DNAH8: variants seen among roughly 807,000 people sequenced by gnomAD.
The protein encoded by DNAH8 is axonemal beta dynein heavy chain 8.
In DNAH8, 382 loss-of-function variants were observed where a neutral mutation model predicts 562.1. That is an observed-to-expected ratio of 0.68 (90% CI 0.63 to 0.74). The LOEUF (loss-of-function observed/expected upper bound fraction) is 0.74, where lower values mean the gene tolerates loss of function less well. Ranked by LOEUF, DNAH8 falls within the 30% of genes least tolerant of loss-of-function variation. The pLI is 0.00. For missense variants in DNAH8, 5,203 were observed against 5,620.4 expected (o/e 0.93, Z 2.37); for synonymous variants, 1,881 against 1,919.4 (o/e 0.98, Z 0.52).
chr6:38,825,680 G>A (rs2150341912), intron 28 of DNAH8, among the ~76,000 whole-genome samples: 1 of 152,240 alleles, frequency 6.6e-6, no homozygotes, highest in Non-Finnish European at 1.5e-5. Context: ...AACTGGCTAG[G>A]TCCAGGGTCC....
intron 41 of DNAH8, among the ~76,000 whole-genome samples, chr6:38,853,975 A>C (rs1563001229): frequency 6.6e-6 from 1 of 151,520 alleles, no homozygotes; most frequent in African/African-American, 2.4e-5. Context: ...AGTAAAAAAA[A>C]TTTTTAAGTT....
In DNAH8 at chr6:38,929,601, G is replaced by A. The variant is rs756370205; in HGVS notation, c.11209G>A (p.Glu3737Lys). The change falls in exon 75 of 93, where the codon GAG (glutamate) becomes AAG (lysine). Residue 3737 changes from glutamate to lysine, a missense_variant. Physicochemically the swap from Glu to Lys is moderately conservative, Grantham distance 56. Around this residue, in one of 6 missense-constraint regions of DNAH8, gnomAD observed 1,399 missense variants for 1,518.4 expected, o/e 0.92. Coordinates refer to ENST00000327475, the MANE Select transcript of DNAH8 (RefSeq NM_001206927.2). ...CCTTCTCATTGAGGACATTCATGAA[G>A]AGCTGGATCCAGCCTTGGATAATGT... ...RPLLIEDIHE[E>K]LDPALDNVLE... 1.2e-5 allele frequency: 19 copies of A among 1,609,146 alleles called. No homozygotes were observed. Among genetic ancestry groups the A allele is most frequent in the Non-Finnish European group, 1.6e-5 (19 of 1,178,930 alleles).
intron 12 of DNAH8, 74 bp downstream of exon 12, chr6:38,770,633 A>G: frequency 7.6e-7 from 1 of 1,315,374 alleles, no homozygotes; most frequent in African/African-American, 1.5e-5. Context: ...ATGTAGTGCC[A>G]TTGAGAATTA....
chr6:38,933,078 T>C (rs114704110), intron 76 of DNAH8, among the ~76,000 whole-genome samples: 1,562 of 152,338 alleles, frequency 0.01, 25 homozygotes, highest in South Asian at 0.041. Flanking sequence ...CAATTCACTG[T>C]TTCCATCGCC....
At chr6:38,998,482 T>C (rs1198657290) in intron 88 of DNAH8, among the ~76,000 whole-genome samples, 1 of 152,240 alleles carries the variant, frequency 6.6e-6, no homozygotes, top group Non-Finnish European at 1.5e-5. Flanking sequence ...AAATGCCTTA[T>C]TACAACCTTT....
chr6:39,008,848 A>G lies in DNAH8; in HGVS notation c.13249A>G (p.Thr4417Ala), dbSNP rs764444093. The G allele has an allele frequency of 1.2e-6, 2 of 1,608,408 alleles. No homozygotes were observed. The highest frequency in any genetic ancestry group is 2.7e-5 in the African/African-American group (2 of 74,846). Residue 4417 changes from threonine to alanine, a missense_variant, in exon 89 of 93, where the codon ACA (threonine) becomes GCA (alanine). Coordinates refer to ENST00000327475, the MANE Select transcript of DNAH8 (RefSeq NM_001206927.2). ...QSNTASAVLE[T>A]ITNIQPKESG... ...TAACACTGCTTCTGCTGTTCTTGAA[A>G]CAATTACCAACATTCAACCCAAAGA...
chr6:38,992,500 G>A (rs1374536809), intron 88 of DNAH8, among the ~76,000 whole-genome samples: 1 of 152,184 alleles, frequency 6.6e-6, no homozygotes, highest in African/African-American at 2.4e-5. Flanking sequence ...ACAAGTTCAC[G>A]TGAGTGGACA....
At chr6:38,788,995 T>C (rs1769446138) in intron 18 of DNAH8, among the ~76,000 whole-genome samples, 1 of 152,224 alleles carries the variant, frequency 6.6e-6, no homozygotes, top group Non-Finnish European at 1.5e-5. Flanking sequence ...TCAAAAGCCA[T>C]GCATGAGCTT....
chr6:38,941,442 A>C (rs1035875315), intron 79 of DNAH8, among the ~76,000 whole-genome samples: 1 of 152,196 alleles, frequency 6.6e-6, no homozygotes, highest in Admixed American at 6.5e-5. Context: ...TGCCTTTTTC[A>C]TGAACACAGG....
chr6:38,799,638 A>G (rs1770599170), intron 21 of DNAH8, among the ~76,000 whole-genome samples: 1 of 152,148 alleles, frequency 6.6e-6, no homozygotes, highest in Non-Finnish European at 1.5e-5. Flanking sequence ...CAATTCACCC[A>G]TTTAAAGTGT....
chr6:38,991,745 AC>A (rs1764804117), intron 88 of DNAH8, among the ~76,000 whole-genome samples: 2 of 151,972 alleles, frequency 1.3e-5, no homozygotes, highest in South Asian at 4.2e-4. Flanking sequence ...GCCAGACAGC[AC>A]CTGCCACAGG....
At chr6:38,895,877 T>C (rs545227946) in intron 59 of DNAH8, among the ~76,000 whole-genome samples, 156 bp from the exon 60 acceptor site, 11 of 152,358 alleles carry the variant, frequency 7.2e-5, no homozygotes, top group African/African-American at 2.4e-4. Context: ...CTTTCTTGGA[T>C]GGGGTTATGC....
intron 42 of DNAH8, among the ~76,000 whole-genome samples, chr6:38,860,214 T>C (rs540071069): frequency 3.3e-5 from 5 of 152,270 alleles, no homozygotes; most frequent in South Asian, 2.1e-4. Flanking sequence ...TGGTGCCCTT[T>C]GTACTTTATT....
intron 88 of DNAH8, among the ~76,000 whole-genome samples, chr6:39,005,414 C>G (rs1765737058): frequency 1.3e-5 from 2 of 152,056 alleles, no homozygotes; most frequent in Non-Finnish European, 2.9e-5. Flanking sequence ...AAAAACAAAA[C>G]AAAACAAAAC....
At chr6:38,850,973 G>A (rs906464039) in intron 38 of DNAH8, among the ~76,000 whole-genome samples, 10 of 152,116 alleles carry the variant, frequency 6.6e-5, no homozygotes, top group Non-Finnish European at 1.2e-4. Context: ...AATAGGACCT[G>A]GACATGTCTT....
chr6:38,890,532 TG>T, intron 57 of DNAH8, 119 bp from the exon 58 acceptor site: 1 of 721,902 alleles, frequency 1.4e-6, no homozygotes, highest in South Asian at 1.7e-5. Context: ...GCTGATCCCT[TG>T]AGAGAAATTC....
intron 85 of DNAH8, among the ~76,000 whole-genome samples, chr6:38,974,978 A>G (rs573241448): frequency 7.2e-4 from 109 of 152,308 alleles, no homozygotes; most frequent in Non-Finnish European, 1.4e-3. Flanking sequence ...CAAAGATGTT[A>G]AGTACTCTTC....
chr6:38,967,583 G>A (rs1273309463), intron 82 of DNAH8, among the ~76,000 whole-genome samples: 2 of 151,938 alleles, frequency 1.3e-5, no homozygotes, highest in South Asian at 2.1e-4. Context: ...AAAAGAAGTG[G>A]AAGATTTGTA....
chr6:38,853,178 T>C lies in DNAH8; in HGVS notation c.5572-8T>C. The C allele has an allele frequency of 6.3e-7, 1 of 1,587,858 alleles. No homozygotes were observed. On this transcript the variant is annotated splice_region_variant and splice_polypyrimidine_tract_variant and intron_variant, in intron 40 of 92. Transcript: ENST00000327475. ...TCAATTTATAATATCCTTGTAATTT[T>C]GTTTTAGTTGGATAATTCTGTTATG...
Sources: allele counts gnomAD v4.1 joint callset (sites outside exome capture counted in the v4.1 genomes callset), GRCh38; gene constraint gnomAD v4.1.1; regional missense constraint gnomAD v4.1.1; transcripts MANE v1.5; gene names NCBI Gene and HGNC (gene_info 2026-07-23, HGNC 2026-07-21).